STX12: variants seen among roughly 807,000 people sequenced by gnomAD.
The protein encoded by STX12 is syntaxin 12, also known as syntaxin-12.
A neutral mutation model predicts 42.2 loss-of-function variants in STX12; 17 were observed. The ratio of observed to expected loss-of-function variants is 0.40; its 90% CI spans 0.28 to 0.60. The LOEUF (loss-of-function observed/expected upper bound fraction) is 0.60, where lower values mean the gene tolerates loss of function less well. STX12 is among the 20% of genes least tolerant of loss of function. STX12 has a pLI of 0.39. For missense variants in STX12, 297 were observed against 330.9 expected (o/e 0.90, Z 0.79); for synonymous variants, 108 against 116.7 (o/e 0.93, Z 0.48).
intron 2 of STX12, among the ~76,000 whole-genome samples, chr1:27,790,932 ACT>A (rs2088736202): frequency 6.7e-6 from 1 of 150,120 alleles, no homozygotes; most frequent in African/African-American, 2.5e-5. Context: ...CAAGAGTGAA[ACT>A]CTGTCTCAAA....
chr1:27,779,218 T>A (rs2088648247), intron 1 of STX12, among the ~76,000 whole-genome samples: 1 of 152,228 alleles, frequency 6.6e-6, no homozygotes, highest in Non-Finnish European at 1.5e-5. Context: ...TAGTTTATAC[T>A]GATGGTGCTA....
chr1:27,793,039 G>A (rs2088759657), intron 2 of STX12, among the ~76,000 whole-genome samples: 1 of 152,192 alleles, frequency 6.6e-6, no homozygotes, highest in African/African-American at 2.4e-5. Context: ...GCTTTTTAAA[G>A]CAAGAGCATG....
intron 3 of STX12, among the ~76,000 whole-genome samples, chr1:27,800,648 C>G (rs1046662979): frequency 5.3e-5 from 8 of 151,950 alleles, no homozygotes; most frequent in Non-Finnish European, 8.8e-5. Context: ...CCTGCCCCAG[C>G]CTCTGAGTAG....
At chr1:27,773,493 A>C in intron 1 of STX12, 68 bp downstream of exon 1, 3 of 1,446,810 alleles carry the variant, frequency 2.1e-6, no homozygotes, top group Non-Finnish European at 2.9e-6. Flanking sequence ...GGCTGCCGGG[A>C]CGCAGGGCCC....
intron 2 of STX12, among the ~76,000 whole-genome samples, chr1:27,789,888 A>T (rs936296188): frequency 1.3e-5 from 2 of 152,202 alleles, no homozygotes; most frequent in Non-Finnish European, 2.9e-5. Flanking sequence ...AGGGAAGTAG[A>T]AAAGGGAATT....
Position 27,793,622 on chromosome 1 carries a change from C to T in STX12, c.278C>T (p.Thr93Ile). The T allele has an allele frequency of 6.2e-7, 1 of 1,613,400 alleles. No individual in the cohort carries two copies. Among genetic ancestry groups the T allele is most frequent in the Non-Finnish European group, 8.5e-7 (1 of 1,179,462 alleles). Residue 93 changes from threonine (T) to isoleucine (I), a missense_variant, in exon 3 of 9, where the codon ACT becomes ATT. Thr to Ile is a moderately conservative substitution (Grantham distance 89, BLOSUM62 -1). Transcript: ENST00000373943. ...GGGTCCTTGCCCCTTCCCTTATCTA[C>T]TTCAGAACAGGTTGGTATTTTCTGT... ...ELGSLPLPLS[T>I]SEQRQQRLQK...
intron 1 of STX12, among the ~76,000 whole-genome samples, chr1:27,774,714 CT>C (rs1375234210): frequency 6.6e-6 from 1 of 152,084 alleles, no homozygotes; most frequent in Non-Finnish European, 1.5e-5. Context: ...GAGTCTACTT[CT>C]GTCACCCAGG....
chr1:27,775,661 T>A (rs1475759008), intron 1 of STX12, among the ~76,000 whole-genome samples: 3 of 152,150 alleles, frequency 2.0e-5, no homozygotes, highest in African/African-American at 7.2e-5. Flanking sequence ...AACCAAAATA[T>A]AAAGTTGAAA....
chr1:27,778,780 A>G (rs980998898), intron 1 of STX12, among the ~76,000 whole-genome samples: 57 of 152,102 alleles, frequency 3.7e-4, no homozygotes, highest in African/African-American at 1.4e-3. Context: ...AAATAAGAAG[A>G]GTGGAGGTCT....
Position 27,819,742 on chromosome 1 carries a change from G to A in STX12, c.732+10G>A. On this transcript the variant is annotated intron_variant, in intron 8 of 8. Transcript: ENST00000373943. ...AGCTGCTTACTATCAGGTAAAAGCG[G>A]GTACCAAAGAAAGTCACTCTGTGTT... 1 of 1,612,362 alleles carries A rather than the reference G, an allele frequency of 6.2e-7. No individual in the cohort carries two copies. The highest frequency in any genetic ancestry group is 8.5e-7 in the Non-Finnish European group (1 of 1,178,956).
intron 2 of STX12, among the ~76,000 whole-genome samples, chr1:27,790,576 C>T (rs776973693): frequency 2.0e-5 from 3 of 152,200 alleles, no homozygotes; most frequent in Non-Finnish European, 4.4e-5. Context: ...TCAGAGTCCT[C>T]ACCCAACCCA....
chr1:27,782,392 C>T (rs2088673474), intron 1 of STX12, among the ~76,000 whole-genome samples: 1 of 152,226 alleles, frequency 6.6e-6, no homozygotes, highest in South Asian at 2.1e-4. Context: ...ACCACCATGC[C>T]TGGCCATATA....
At chr1:27,792,402 C>T (rs550924858) in intron 2 of STX12, among the ~76,000 whole-genome samples, 1 of 148,534 alleles carries the variant, frequency 6.7e-6, no homozygotes, top group South Asian at 2.1e-4. Context: ...CTACCCTAGA[C>T]AGTGTGAGGT....
chr1:27,773,930 T>C (rs1266108214), intron 1 of STX12: 1 of 155,662 alleles, frequency 6.4e-6, no homozygotes, highest in Admixed American at 6.2e-5. Context: ...TGCATGTGTT[T>C]GGGTGACTTC....
chr1:27,809,333 C>T (rs979220378), intron 4 of STX12, among the ~76,000 whole-genome samples: 1 of 113,952 alleles, frequency 8.8e-6, no homozygotes, highest in African/African-American at 3.3e-5. Context: ...GATTCCATCT[C>T]AAAAAAAAAA....
intron 1 of STX12, among the ~76,000 whole-genome samples, chr1:27,782,752 C>T (rs1175164115): frequency 1.3e-5 from 2 of 152,178 alleles, no homozygotes; most frequent in African/African-American, 4.8e-5. Context: ...AGGAGAATCA[C>T]TTGAACCCAG....
intron 1 of STX12, among the ~76,000 whole-genome samples, chr1:27,774,267 A>T (rs1440780351): frequency 6.6e-6 from 1 of 152,152 alleles, no homozygotes; most frequent in Non-Finnish European, 1.5e-5. Flanking sequence ...CCTCCTCCCC[A>T]TTAGGGTCTG....
chr1:27,822,425 C>T lies in STX12; in HGVS notation c.*96C>T, dbSNP rs2088991209. On this transcript the variant is annotated 3_prime_UTR_variant, in exon 9 of 9. Coordinates refer to ENST00000373943, the MANE Select transcript of STX12 (RefSeq NM_177424.3). The stretch of plus-strand genomic sequence containing the variant: ...CTGATCACAAGAAGACAGCATATAT[C>T]AGAACGTCCTGTAATCATTTAGTTA... The T allele has an allele frequency of 3.8e-6, 3 of 791,060 alleles. No individual in the cohort carries two copies. The highest frequency in any genetic ancestry group is 3.7e-5 in the Admixed American group (2 of 54,002). The allele number at this position is 791,060 out of a possible 1,614,324, so 49.0% of individuals were successfully genotyped here.
chr1:27,815,394 A>G (rs982046925), intron 6 of STX12, among the ~76,000 whole-genome samples: 3 of 152,298 alleles, frequency 2.0e-5, no homozygotes, highest in Non-Finnish European at 4.4e-5. Context: ...TACACATTCT[A>G]TGTTATGGCA....
Sources: allele counts gnomAD v4.1 joint callset (sites outside exome capture counted in the v4.1 genomes callset), GRCh38; gene constraint gnomAD v4.1.1; transcripts MANE v1.5; gene names NCBI Gene and HGNC (gene_info 2026-07-23, HGNC 2026-07-21).